SIAH3: variants seen among roughly 807,000 people sequenced by gnomAD.
SIAH3 encodes seven in absentia homolog 3.
SIAH3 carries 9 observed loss-of-function variants against 12.6 expected under a neutral mutation model. The ratio of observed to expected loss-of-function variants is 0.72; its 90% CI spans 0.43 to 1.25. The LOEUF (loss-of-function observed/expected upper bound fraction) is 1.25, where lower values mean the gene tolerates loss of function less well. Ranked by LOEUF, SIAH3 falls within the 50% of genes most tolerant of loss-of-function variation. The pLI, the probability that SIAH3 is intolerant of heterozygous loss-of-function variation, is 0.00. For missense variants in SIAH3, 390 were observed against 365.4 expected (o/e 1.07, Z -0.55); for synonymous variants, 154 against 151.1 (o/e 1.02, Z -0.14).
intron 1 of SIAH3, among the ~76,000 whole-genome samples, chr13:45,832,734 T>C: frequency 6.6e-6 from 1 of 152,242 alleles, no homozygotes; most frequent in East Asian, 1.9e-4. Context: ...TTAAATTTTT[T>C]TGAGGGAGCT....
At chr13:45,845,235 A>G (rs1950754737) in intron 1 of SIAH3, among the ~76,000 whole-genome samples, 1 of 148,184 alleles carries the variant, frequency 6.7e-6, no homozygotes, top group African/African-American at 2.5e-5. Flanking sequence ...GCATTATCAC[A>G]ATGTTGACTT....
At chr13:45,826,516 G>C (rs147897453) in intron 1 of SIAH3, among the ~76,000 whole-genome samples, 2,444 of 143,900 alleles carry the variant, frequency 0.017, 73 homozygotes, top group Admixed American at 0.049. Context: ...TGGATGGATG[G>C]ATCAATCAAT....
intron 1 of SIAH3, among the ~76,000 whole-genome samples, chr13:45,791,670 A>C (rs998420566): frequency 6.6e-6 from 1 of 152,188 alleles, no homozygotes; most frequent in Non-Finnish European, 1.5e-5. Context: ...AGTATGATAA[A>C]AGCTTTGAAG....
chr13:45,821,217 A>T (rs1362450110), intron 1 of SIAH3, among the ~76,000 whole-genome samples: 2 of 152,232 alleles, frequency 1.3e-5, no homozygotes, highest in Non-Finnish European at 2.9e-5. Flanking sequence ...CACATAGAAA[A>T]GATGATGTGA....
Position 45,790,719 on chromosome 13 carries a change from G to T in SIAH3, c.136-6662C>A, listed in dbSNP as rs141577281. ...CCAATATGAAGATCACACTGGTTCT[G>T]TCCTTTATACCATTCAGGTGTGCCA... On this transcript the variant is annotated intron_variant, in intron 1 of 1. Transcript: ENST00000400405. Among the ~76,000 whole-genome samples the T allele has an allele frequency of 4.5e-3, 690 of 152,328 alleles. 1 individual carries two copies. Among genetic ancestry groups the T allele is most frequent in the South Asian group, 0.024 (115 of 4,828 alleles).
intron 1 of SIAH3, among the ~76,000 whole-genome samples, chr13:45,799,616 A>G (rs1367493566): frequency 6.6e-6 from 1 of 152,136 alleles, no homozygotes; most frequent in Non-Finnish European, 1.5e-5. Context: ...GTCTTTCCCA[A>G]GGCCTGGGGG....
At chr13:45,806,539 G>A (rs1593379768) in intron 1 of SIAH3, among the ~76,000 whole-genome samples, 1 of 152,102 alleles carries the variant, frequency 6.6e-6, no homozygotes, top group Non-Finnish European at 1.5e-5. Flanking sequence ...ATATAAAGAT[G>A]GCACCAATAG....
At chr13:45,796,618 AG>A (rs542529956) in intron 1 of SIAH3, among the ~76,000 whole-genome samples, 42 of 152,364 alleles carry the variant, frequency 2.8e-4, no homozygotes, top group Non-Finnish European at 4.0e-4. Flanking sequence ...GGAGTGGCAC[AG>A]GCCTTGCCCT....
At chr13:45,835,095 G>A (rs1361184374) in intron 1 of SIAH3, among the ~76,000 whole-genome samples, 3 of 152,122 alleles carry the variant, frequency 2.0e-5, no homozygotes, top group African/African-American at 7.2e-5. Context: ...GAGGAAGACT[G>A]ATTCTCTCCC....
chr13:45,785,814 A>G (rs772074973), intron 1 of SIAH3, among the ~76,000 whole-genome samples: 1 of 152,146 alleles, frequency 6.6e-6, no homozygotes, highest in Non-Finnish European at 1.5e-5. Flanking sequence ...TCCATCCTGC[A>G]ACCCCACCTG....
In SIAH3 at chr13:45,850,145, A is replaced by G. The variant is rs939536207; in HGVS notation, c.135+1350T>C. 7.0e-4 allele frequency among the ~76,000 whole-genome samples: 106 copies of G among 152,290 alleles called. 1 individual carries two copies. Among genetic ancestry groups the G allele is most frequent in the Non-Finnish European group, 1.9e-4 (13 of 68,018 alleles). Reference sequence around the variant, plus strand: ...ATTCGTCACAGCTGGGATATCAGAGAGAGTCAGATCCTAGGTCAGATGCAC... The same window carrying G: ...ATTCGTCACAGCTGGGATATCAGAGGGAGTCAGATCCTAGGTCAGATGCAC... On this transcript the variant is annotated intron_variant, in intron 1 of 1. Coordinates refer to ENST00000400405, the MANE Select transcript of SIAH3 (RefSeq NM_198849.3).
intron 1 of SIAH3, among the ~76,000 whole-genome samples, chr13:45,786,396 C>G (rs1439330425): frequency 4.6e-5 from 7 of 152,178 alleles, no homozygotes; most frequent in Admixed American, 3.3e-4. Context: ...AACAGAGACA[C>G]AGAGAGATTG....
intron 1 of SIAH3, among the ~76,000 whole-genome samples, chr13:45,822,803 A>T (rs188331635): frequency 2.8e-4 from 43 of 152,030 alleles, no homozygotes; most frequent in Admixed American, 2.4e-3. Context: ...CCTGAAACGG[A>T]GCTGGTTTTA....
At chr13:45,790,822 A>C (rs1420877307) in intron 1 of SIAH3, among the ~76,000 whole-genome samples, 1 of 152,204 alleles carries the variant, frequency 6.6e-6, no homozygotes, top group Non-Finnish European at 1.5e-5. Context: ...CTGACTTGTG[A>C]AGTAGTTAAG....
At chr13:45,787,837 G>T (rs749732071) in intron 1 of SIAH3, among the ~76,000 whole-genome samples, 1 of 152,180 alleles carries the variant, frequency 6.6e-6, no homozygotes, top group African/African-American at 2.4e-5. Context: ...TGCCCCCTAC[G>T]CCCAGCAGCA....
intron 1 of SIAH3, among the ~76,000 whole-genome samples, chr13:45,831,076 G>C (rs1950697075): frequency 6.6e-6 from 1 of 152,020 alleles, no homozygotes; most frequent in Non-Finnish European, 1.5e-5. Flanking sequence ...CTACTTGAGA[G>C]ACTGAGGCAA....
At chr13:45,785,913 T>C (rs1268374130) in intron 1 of SIAH3, among the ~76,000 whole-genome samples, 3 of 152,212 alleles carry the variant, frequency 2.0e-5, no homozygotes, top group Non-Finnish European at 4.4e-5. Flanking sequence ...GTCTGACTTA[T>C]CCCTCAGTGT....
chr13:45,791,652 G>C (rs1453675025), intron 1 of SIAH3, among the ~76,000 whole-genome samples: 1 of 152,224 alleles, frequency 6.6e-6, no homozygotes, highest in Non-Finnish European at 1.5e-5. Flanking sequence ...CCAGCTGCCA[G>C]TGTGAGAAGT....
Position 45,826,473 on chromosome 13 carries a change from A to AGTGGG in SIAH3, c.135+25021_135+25022insCCCAC, listed in dbSNP as rs1566094934. 2.3e-5 allele frequency among the ~76,000 whole-genome samples: 2 copies of AGTGGG among 88,536 alleles called. 1 individual carries two copies. The allele number at this position is 88,536 out of a possible 152,430, so 58.1% of individuals were successfully genotyped here. On this transcript the variant is annotated intron_variant, in intron 1 of 1. Transcript: ENST00000400405. ...GATGGATGGATGAATGGATGGATGG[A>AGTGGG]TGGATGGATGGATGGATGGGTGGGT... is the stretch of plus-strand genomic sequence containing the variant.
Sources: gnomAD v4.1 joint callset for allele counts (sites outside exome capture counted in the v4.1 genomes callset) on GRCh38, gnomAD v4.1.1 for gene constraint, MANE v1.5 for transcripts, NCBI Gene and HGNC (gene_info 2026-07-23, HGNC 2026-07-21) for gene names.